Variants in TEKTL1 observed in about 807,000 individuals in gnomAD.
The protein encoded by TEKTL1 is tektin like 1.
the TEKTL1 span, among the ~76,000 whole-genome samples, chr19:15,019,420 C>T: frequency 1.8e-4 from 27 of 152,228 alleles, no homozygotes; most frequent in African/African-American, 5.3e-4. Flanking sequence ...GTATGTGAGA[C>T]GATGGATATG....
chr19:15,014,550 TCTC>T, the TEKTL1 span, among the ~76,000 whole-genome samples: 4 of 151,974 alleles, frequency 2.6e-5, no homozygotes, highest in Non-Finnish European at 5.9e-5. Flanking sequence ...TATGTATAGA[TCTC>T]CTCAGCTAGA....
At chr19:15,015,638 G>A in the TEKTL1 span, among the ~76,000 whole-genome samples, 3 of 152,124 alleles carry the variant, frequency 2.0e-5, no homozygotes, top group East Asian at 5.8e-4. Context: ...AGATCTGTTG[G>A]GATGATGAAA....
the TEKTL1 span, chr19:15,011,139 G>T: frequency 6.6e-7 from 1 of 1,522,920 alleles, no homozygotes; most frequent in South Asian, 1.2e-5. Context: ...CCGCCCGCCT[G>T]GTACGCCCGC....
At chr19:15,017,677 A>G in the TEKTL1 span, among the ~76,000 whole-genome samples, 3 of 152,134 alleles carry the variant, frequency 2.0e-5, no homozygotes, top group African/African-American at 7.2e-5. Context: ...TCTCCATGTT[A>G]CAGTGGGGAA....
the TEKTL1 span, among the ~76,000 whole-genome samples, chr19:15,018,715 A>AATAT: frequency 2.2e-4 from 15 of 68,296 alleles, no homozygotes; most frequent in South Asian, 8.0e-4. Flanking sequence ...CCTATCTCAA[A>AATAT]ATATGTATAT....
At chr19:15,017,400 G>T in the TEKTL1 span, among the ~76,000 whole-genome samples, 1 of 152,110 alleles carries the variant, frequency 6.6e-6, no homozygotes, top group African/African-American at 2.4e-5. Context: ...GACTTGTTTT[G>T]ATATAACTCT....
At chr19:15,022,753 T>G in the TEKTL1 span, 8 of 927,320 alleles carry the variant, frequency 8.6e-6, no homozygotes, top group Admixed American at 3.1e-5. Context: ...ACCTGGCCCA[T>G]TCAGATGTGT....
the TEKTL1 span, among the ~76,000 whole-genome samples, chr19:15,021,172 C>A: frequency 5.9e-5 from 9 of 152,150 alleles, no homozygotes; most frequent in African/African-American, 1.9e-4. Context: ...ACAGGCTCTG[C>A]TTCTAAGGAA....
At chr19:15,016,185 CT>C in the TEKTL1 span, among the ~76,000 whole-genome samples, 823 of 66,656 alleles carry the variant, frequency 0.012, 3 homozygotes, top group African/African-American at 0.032. Context: ...GACAGCTGTC[CT>C]TTTTTTTTTT....
At chr19:15,015,955 T>G in the TEKTL1 span, among the ~76,000 whole-genome samples, 27 of 152,310 alleles carry the variant, frequency 1.8e-4, no homozygotes, top group Admixed American at 7.8e-4. Context: ...TTGCTCATGT[T>G]GACTCCAGGC....
chr19:15,018,482 G>A, the TEKTL1 span, among the ~76,000 whole-genome samples: 1 of 151,684 alleles, frequency 6.6e-6, no homozygotes, highest in African/African-American at 2.4e-5. Flanking sequence ...CCCAAGGTGG[G>A]TGGATTGCTT....
At chr19:15,010,877 GCC>G in the TEKTL1 span, 2,479 of 1,559,190 alleles carry the variant, frequency 1.6e-3, 2 homozygotes, top group Non-Finnish European at 2.0e-3. Flanking sequence ...ACGCGTTGGG[GCC>G]CCAGCATGGC....
At chr19:15,017,104 C>A in the TEKTL1 span, among the ~76,000 whole-genome samples, 10 of 152,126 alleles carry the variant, frequency 6.6e-5, no homozygotes, top group East Asian at 1.9e-3. Context: ...CACCTGTAGT[C>A]CTAGCTATTT....
the TEKTL1 span, chr19:15,023,172 C>T: frequency 6.7e-7 from 1 of 1,497,660 alleles, no homozygotes; most frequent in Non-Finnish European, 8.9e-7. Context: ...GCTGGGACCT[C>T]GGAGAGCAGA....
the TEKTL1 span, chr19:15,023,043 A>G: frequency 6.2e-7 from 1 of 1,612,162 alleles, no homozygotes; most frequent in East Asian, 2.2e-5. Context: ...GTGTGCTACG[A>G]GCAGGCGCAG....
the TEKTL1 span, chr19:15,020,327 A>T: frequency 1.4e-6 from 1 of 715,712 alleles, no homozygotes; most frequent in Non-Finnish European, 2.3e-6. Context: ...AAAAAATGAG[A>T]GTGTCAGTTT....
At chr19:15,022,709 C>T in the TEKTL1 span, among the ~76,000 whole-genome samples, 1 of 128,818 alleles carries the variant, frequency 7.8e-6, no homozygotes, top group East Asian at 2.4e-4. Flanking sequence ...CTCCCTCAGC[C>T]TGCCCTGTCG....
the TEKTL1 span, chr19:15,023,137 G>GT: frequency 1.9e-6 from 3 of 1,557,476 alleles, no homozygotes; most frequent in Non-Finnish European, 2.6e-6. Flanking sequence ...AGCGTCCCCC[G>GT]CCCCAGCCAG....
the TEKTL1 span, among the ~76,000 whole-genome samples, chr19:15,012,462 G>A: frequency 1.3e-5 from 2 of 152,174 alleles, no homozygotes; most frequent in African/African-American, 4.8e-5. Context: ...CTACTTAGGA[G>A]GCTGAAGCAG....
Sources: allele counts gnomAD v4.1 joint callset (sites outside exome capture counted in the v4.1 genomes callset), GRCh38; gene constraint gnomAD v4.1.1; transcripts MANE v1.5; gene names NCBI Gene and HGNC (gene_info 2026-07-23, HGNC 2026-07-21).